The following PIGN variants were observed in gnomAD, a reference collection of about 807,000 sequenced individuals.
The protein encoded by PIGN is phosphatidylinositol glycan anchor biosynthesis class N.
A neutral mutation model predicts 125.4 loss-of-function variants in PIGN; 117 were observed. The observed-to-expected ratio is 0.93, with a 90% CI of 0.80 to 1.09. The LOEUF is 1.09. Among genes scored for constraint, PIGN ranks in the 50% least tolerant of loss-of-function variants. The pLI, the probability that PIGN is intolerant of heterozygous loss-of-function variation, is 0.00. For missense variants in PIGN, 1,075 were observed against 1,094.9 expected (o/e 0.98, Z 0.26); for synonymous variants, 392 against 377.8 (o/e 1.04, Z -0.44).
intron 23 of PIGN, among the ~76,000 whole-genome samples, chr18:62,019,732 C>A (rs920894267): frequency 2.0e-5 from 3 of 152,216 alleles, no homozygotes; most frequent in African/African-American, 7.2e-5. Flanking sequence ...CTGGCCACAA[C>A]AGATTAACTG....
At chr18:62,176,926 C>A (rs1399133326) in intron 1 of PIGN, among the ~76,000 whole-genome samples, 2 of 150,542 alleles carry the variant, frequency 1.3e-5, no homozygotes, top group African/African-American at 4.9e-5. Context: ...ACTGTTTTTG[C>A]AACTTTTCCA....
intron 28 of PIGN, among the ~76,000 whole-genome samples, chr18:62,081,297 T>C (rs2033436743): frequency 1.3e-5 from 2 of 152,108 alleles, no homozygotes; most frequent in South Asian, 4.1e-4. Context: ...GTAAGCAGTA[T>C]GGCAGTAAGG....
In PIGN at chr18:62,041,703, G is replaced by GTT. The variant is rs2030389645; in HGVS notation, c.*4152_*4153insAA. The stretch of plus-strand genomic sequence containing the variant: ...TGTGTGTGTGTGTGTGTGTGTGTGT[G>GTT]TGTTTAGTAGAGATGGGGTTTTGCC... On this transcript the variant is annotated 3_prime_UTR_variant, in exon 31 of 31. Coordinates refer to ENST00000640252, the MANE Select transcript of PIGN (RefSeq NM_176787.5). 1 of 141,242 alleles carries GTT rather than the reference G, an allele frequency of 7.1e-6. No homozygotes were observed. The highest frequency in any genetic ancestry group is 2.7e-5 in the African/African-American group (1 of 37,316). 8.7% of individuals were successfully genotyped at this position (141,242 alleles called of 1,614,324 possible). A position where few individuals can be genotyped will look rare whatever the true frequency, so the allele number is the denominator to read the frequency against.
chr18:62,174,832 T>C (rs1362690259), intron 1 of PIGN, among the ~76,000 whole-genome samples: 1 of 151,368 alleles, frequency 6.6e-6, no homozygotes, highest in Non-Finnish European at 1.5e-5. Flanking sequence ...CCTATACAAT[T>C]ACTTAGTTCC....
At chr18:62,142,608 T>C (rs1383658962) in intron 11 of PIGN, among the ~76,000 whole-genome samples, 1 of 152,212 alleles carries the variant, frequency 6.6e-6, no homozygotes, top group Non-Finnish European at 1.5e-5. Context: ...AGACCTTGGT[T>C]TGTCCACCAC....
chr18:62,057,168 A>G (rs2031791449), intron 30 of PIGN, among the ~76,000 whole-genome samples: 1 of 152,108 alleles, frequency 6.6e-6, no homozygotes, highest in Non-Finnish European at 1.5e-5. Context: ...CATATCCTTT[A>G]CCACACAAAT....
intron 1 of PIGN, among the ~76,000 whole-genome samples, chr18:62,178,560 A>C (rs1049660152): frequency 1.3e-5 from 2 of 151,424 alleles, no homozygotes; most frequent in African/African-American, 4.9e-5. Context: ...GCTTGAGCCT[A>C]GGAATTCAAG....
intron 30 of PIGN, among the ~76,000 whole-genome samples, chr18:62,062,156 A>G (rs906041784): frequency 1.3e-5 from 2 of 152,106 alleles, no homozygotes; most frequent in African/African-American, 4.8e-5. Flanking sequence ...TAACTTCACC[A>G]ACTCAGATTT....
At position 62,082,760 on chromosome 18, in the gene PIGN, A is replaced by G. The variant is rs200850641; in HGVS notation, c.2503-14T>C. On this transcript the variant is annotated splice_polypyrimidine_tract_variant and intron_variant, in intron 27 of 30. Coordinates refer to ENST00000640252, the MANE Select transcript of PIGN (RefSeq NM_176787.5). ...GGGGATTAAAATCTGTAAAAGAACA[A>G]TAAATGATGCAAGGAATAACTGAAG... is the stretch of plus-strand genomic sequence containing the variant. 4,487 of 1,407,278 alleles carry G rather than the reference A, an allele frequency of 3.2e-3. 15 individuals carry two copies. The highest frequency in any genetic ancestry group is 4.2e-3 in the Non-Finnish European group (4,247 of 1,017,374). The allele number at this position is 1,407,278 out of a possible 1,614,324, so 87.2% of individuals were successfully genotyped here.
chr18:62,095,758 T>C (rs1293017270), intron 23 of PIGN, 90 bp downstream of exon 23: 1 of 724,560 alleles, frequency 1.4e-6, no homozygotes, highest in East Asian at 2.7e-5. Context: ...AAACATTTTT[T>C]ATTTCCAGAA....
intron 30 of PIGN, among the ~76,000 whole-genome samples, chr18:62,054,489 A>ATTTTT (rs367909088): frequency 0.015 from 1,800 of 117,258 alleles, 45 homozygotes; most frequent in African/African-American, 0.036. Context: ...TTTTTTTCCT[A>ATTTTT]TTTTTTTTTT....
intron 6 of PIGN, among the ~76,000 whole-genome samples, chr18:62,156,884 C>T (rs3764489): frequency 7.9e-5 from 12 of 151,928 alleles, no homozygotes; most frequent in Admixed American, 1.3e-4. Context: ...AGCTGTTAAG[C>T]GATAGTGCTA....
chr18:62,112,509 C>T (rs2034919913), intron 16 of PIGN: 2 of 152,006 alleles, frequency 1.3e-5, no homozygotes, highest in South Asian at 2.1e-4. Flanking sequence ...CATATACATA[C>T]TGTTATATTG....
At chr18:62,019,505 T>C (rs1373624722) in intron 23 of PIGN, among the ~76,000 whole-genome samples, 3 of 152,242 alleles carry the variant, frequency 2.0e-5, no homozygotes, top group Non-Finnish European at 2.9e-5. Flanking sequence ...GTTTTGCTAG[T>C]TAGCTGAAAA....
At chr18:62,055,234 C>G (rs578149268) in intron 30 of PIGN, among the ~76,000 whole-genome samples, 1 of 152,244 alleles carries the variant, frequency 6.6e-6, no homozygotes, top group South Asian at 2.1e-4. Context: ...ATAGCCAAAA[C>G]CTTGAAATAA....
intron 30 of PIGN, among the ~76,000 whole-genome samples, chr18:62,056,086 A>G (rs2031706630): frequency 6.9e-6 from 1 of 145,892 alleles, no homozygotes; most frequent in African/African-American, 2.5e-5. Context: ...AACCGCAATT[A>G]CTTTTGCACC....
intron 25 of PIGN, among the ~76,000 whole-genome samples, chr18:62,086,474 G>A (rs757283242): frequency 5.3e-5 from 8 of 151,958 alleles, no homozygotes; most frequent in Non-Finnish European, 7.4e-5. Flanking sequence ...AAAATTAGCC[G>A]GTCCTGGTGG....
At position 62,090,464 on chromosome 18, in the gene PIGN, T is replaced by C. The variant is rs371051360; in HGVS notation, c.2283+12A>G. On this transcript the variant is annotated intron_variant, in intron 24 of 30. Transcript: ENST00000640252. Reference sequence around the variant, plus strand: ...GTCTCAAATAAAAACAAAAATGACTTTGACCAGCTACCTTTTGTTTACAGC... The same window carrying C: ...GTCTCAAATAAAAACAAAAATGACTCTGACCAGCTACCTTTTGTTTACAGC... 187 of 1,533,906 alleles carry C rather than the reference T, an allele frequency of 1.2e-4. No homozygotes were observed. The highest frequency in any genetic ancestry group is 1.6e-4 in the Non-Finnish European group (181 of 1,112,926).
chr18:62,160,840 T>A (rs1486848802), intron 4 of PIGN, among the ~76,000 whole-genome samples: 1 of 152,164 alleles, frequency 6.6e-6, no homozygotes, highest in Non-Finnish European at 1.5e-5. Flanking sequence ...AAAAATAATA[T>A]AGTGAGTCTT....
Sources: gnomAD v4.1 joint callset for allele counts (sites outside exome capture counted in the v4.1 genomes callset) on GRCh38, gnomAD v4.1.1 for gene constraint, MANE v1.5 for transcripts, NCBI Gene and HGNC (gene_info 2026-07-23, HGNC 2026-07-21) for gene names.